CDH18: variants seen among roughly 807,000 people sequenced by gnomAD.
CDH18 encodes the protein cadherin-18.
CDH18 carries 31 observed loss-of-function variants against 67.9 expected under a neutral mutation model. That is an observed-to-expected ratio of 0.46 (90% CI 0.34 to 0.62). The LOEUF (loss-of-function observed/expected upper bound fraction) is 0.62. CDH18 is among the 20% of genes least tolerant of loss of function. The pLI, the probability that CDH18 is intolerant of heterozygous loss-of-function variation, is 0.01. For missense variants in CDH18, 890 were observed against 975.5 expected, an observed-to-expected ratio of 0.91 and a Z score of 1.17; for synonymous variants, 362 against 347.2, an observed-to-expected ratio of 1.04 and a Z score of -0.48.
chr5:20,564,636 C>T (rs536315435), intron 1 of CDH18, among the ~76,000 whole-genome samples: 2 of 152,192 alleles, frequency 1.3e-5, no homozygotes, highest in Admixed American at 1.3e-4. Flanking sequence ...TTAATTTCTT[C>T]TTTATTGTCT....
At chr5:19,778,828 C>G (rs1246725666) in intron 3 of CDH18, among the ~76,000 whole-genome samples, 1 of 152,160 alleles carries the variant, frequency 6.6e-6, no homozygotes, top group Non-Finnish European at 1.5e-5. Flanking sequence ...GATATCTCAT[C>G]CCTGGACAGG....
intron 1 of CDH18, among the ~76,000 whole-genome samples, chr5:20,488,698 TATAC>T (rs1561056330): frequency 7.9e-6 from 1 of 126,032 alleles, no homozygotes; most frequent in South Asian, 2.7e-4. Context: ...TATATATATA[TATAC>T]ACACACATAC....
At chr5:20,499,261 C>T (rs1342287134) in intron 1 of CDH18, among the ~76,000 whole-genome samples, 1 of 151,984 alleles carries the variant, frequency 6.6e-6, no homozygotes, top group Non-Finnish European at 1.5e-5. Flanking sequence ...AGCACATCTT[C>T]CTATATATTT....
intron 2 of CDH18, among the ~76,000 whole-genome samples, chr5:19,840,934 C>T (rs1782245030): frequency 6.6e-6 from 1 of 151,998 alleles, no homozygotes; most frequent in Non-Finnish European, 1.5e-5. Context: ...AAATGTAGAT[C>T]TGAATAAATA....
At chr5:20,325,542 G>A (rs554339260) in intron 1 of CDH18, among the ~76,000 whole-genome samples, 10 of 151,724 alleles carry the variant, frequency 6.6e-5, no homozygotes, top group South Asian at 4.2e-4. Context: ...GCACCCTTCC[G>A]CCACCCATCC....
At chr5:19,853,391 C>T (rs2149937724) in intron 2 of CDH18, among the ~76,000 whole-genome samples, 1 of 152,204 alleles carries the variant, frequency 6.6e-6, no homozygotes. Context: ...GCCCCCATTC[C>T]AAGTACAGCC....
intron 2 of CDH18, among the ~76,000 whole-genome samples, chr5:19,845,177 T>A (rs989265744): frequency 6.6e-6 from 1 of 151,482 alleles, no homozygotes; most frequent in South Asian, 2.1e-4. Flanking sequence ...TTCAAAGAAT[T>A]AAAAAAAAAT....
chr5:20,294,067 T>TG (rs1362600243), intron 1 of CDH18, among the ~76,000 whole-genome samples: 1 of 152,196 alleles, frequency 6.6e-6, no homozygotes, highest in African/African-American at 2.4e-5. Context: ...ATGATTTATA[T>TG]ACACTGTTGG....
intron 2 of CDH18, among the ~76,000 whole-genome samples, chr5:19,979,006 G>A (rs1798766899): frequency 6.6e-6 from 1 of 152,098 alleles, no homozygotes; most frequent in Non-Finnish European, 1.5e-5. Flanking sequence ...GTCACACGCA[G>A]CACTTATACA....
At chr5:19,873,854 C>A (rs975840096) in intron 2 of CDH18, among the ~76,000 whole-genome samples, 1 of 151,972 alleles carries the variant, frequency 6.6e-6, no homozygotes, top group Non-Finnish European at 1.5e-5. Context: ...CACCATGTTG[C>A]CCAGGCAGGT....
intron 2 of CDH18, among the ~76,000 whole-genome samples, chr5:20,207,051 C>G (rs1348048928): frequency 2.0e-5 from 3 of 151,342 alleles, no homozygotes; most frequent in Non-Finnish European, 1.5e-5. Flanking sequence ...ATAAATAAGT[C>G]AAATTATCCT....
At chr5:20,274,293 A>C (rs1745645225) in intron 1 of CDH18, among the ~76,000 whole-genome samples, 1 of 152,156 alleles carries the variant, frequency 6.6e-6, no homozygotes, top group Non-Finnish European at 1.5e-5. Flanking sequence ...ATATTATATA[A>C]TACTACTTAG....
At chr5:19,863,017 A>G (rs1315019360) in intron 2 of CDH18, among the ~76,000 whole-genome samples, 2 of 30,394 alleles carry the variant, frequency 6.6e-5, no homozygotes, top group Non-Finnish European at 1.9e-4. Context: ...GGTTTTTTTA[A>G]CGGGGGAAAA....
chr5:20,288,579 A>G (rs1312147086), intron 1 of CDH18, among the ~76,000 whole-genome samples: 2 of 151,850 alleles, frequency 1.3e-5, no homozygotes, highest in Non-Finnish European at 2.9e-5. Context: ...CATGACATCA[A>G]AATAATTTGA....
chr5:19,844,192 G>C (rs904422124), intron 2 of CDH18, among the ~76,000 whole-genome samples: 2 of 152,066 alleles, frequency 1.3e-5, no homozygotes, highest in African/African-American at 4.8e-5. Flanking sequence ...GATTTGCAAG[G>C]GGTCAGGAGT....
intron 1 of CDH18, among the ~76,000 whole-genome samples, chr5:20,448,059 C>A (rs939987632): frequency 3.3e-5 from 5 of 152,106 alleles, no homozygotes; most frequent in South Asian, 2.1e-4. Flanking sequence ...CCTCTCCCCC[C>A]ACCCCACAAC....
rs1295758555 is a variant in CDH18 at position 19,515,362 on chromosome 5, G to GT, written c.1512+5294dup. 2.0e-5 allele frequency among the ~76,000 whole-genome samples: 3 copies of GT among 152,166 alleles called. No homozygotes were observed. The South Asian group carries it at 6.2e-4, about 32-fold the overall frequency. ...TTGGTTCCATATGAAATTTAAAGTA[G>GT]TTTTTTTCCAATTCTGTGAAGAAAG... is the stretch of plus-strand genomic sequence containing the variant. On this transcript the variant is annotated intron_variant, in intron 10 of 12. Transcript: ENST00000382275.
At chr5:19,978,719 C>G (rs1798735664) in intron 2 of CDH18, among the ~76,000 whole-genome samples, 1 of 152,120 alleles carries the variant, frequency 6.6e-6, no homozygotes, top group African/African-American at 2.4e-5. Context: ...TTCCTTCATA[C>G]TCCAAAACCA....
intron 2 of CDH18, among the ~76,000 whole-genome samples, chr5:20,213,171 A>C (rs1740487949): frequency 6.6e-6 from 1 of 152,242 alleles, no homozygotes; most frequent in Admixed American, 6.5e-5. Context: ...TACGTAACTT[A>C]CTTTAAATAT....
Sources: allele counts gnomAD v4.1 joint callset (sites outside exome capture counted in the v4.1 genomes callset), GRCh38; gene constraint gnomAD v4.1.1; transcripts MANE v1.5; gene names NCBI Gene and HGNC (gene_info 2026-07-23, HGNC 2026-07-21).